TYW1B: variants seen among roughly 807,000 people sequenced by gnomAD.
TYW1B encodes the protein S-adenosyl-L-methionine-dependent tRNA 4-demethylwyosine synthase TYW1B.
In TYW1B, 73 loss-of-function variants were observed where a neutral mutation model predicts 86.9. The observed-to-expected ratio is 0.84, with a 90% CI of 0.70 to 1.02. The LOEUF (loss-of-function observed/expected upper bound fraction) is 1.02. Among genes scored for constraint, TYW1B ranks in the 50% least tolerant of loss-of-function variants. The pLI, the probability that TYW1B is intolerant of heterozygous loss-of-function variation, is 0.00. For missense variants in TYW1B, 637 were observed against 827.4 expected (o/e 0.77, Z 2.82); for synonymous variants, 248 against 292.8 (o/e 0.85, Z 1.56).
At chr7:72,622,642 T>C (rs1193797562) in intron 12 of TYW1B, among the ~76,000 whole-genome samples, 2 of 151,554 alleles carry the variant, frequency 1.3e-5, no homozygotes, top group Admixed American at 6.6e-5. Context: ...CACACACACA[T>C]ACAGACACAT....
chr7:72,687,261 C>A (rs1554449593), intron 11 of TYW1B, among the ~76,000 whole-genome samples: 1 of 152,064 alleles, frequency 6.6e-6, no homozygotes, highest in South Asian at 2.1e-4. Flanking sequence ...ACTGGTGAAA[C>A]CCCATCTCTA....
At chr7:72,690,179 T>C (rs1420408056) in intron 11 of TYW1B, among the ~76,000 whole-genome samples, 2 of 152,230 alleles carry the variant, frequency 1.3e-5, no homozygotes, top group Non-Finnish European at 2.9e-5. Flanking sequence ...ATAGTTCAGT[T>C]TACTACTGGA....
At chr7:72,619,228 TC>T (rs1554437483) in intron 12 of TYW1B, among the ~76,000 whole-genome samples, 1 of 151,840 alleles carries the variant, frequency 6.6e-6, no homozygotes, top group African/African-American at 2.4e-5. Flanking sequence ...AGCTTTCTTT[TC>T]CCCCCTCAAA....
chr7:72,632,346 T>G (rs1382724185), intron 11 of TYW1B, among the ~76,000 whole-genome samples: 5 of 103,594 alleles, frequency 4.8e-5, no homozygotes, highest in African/African-American at 9.2e-5. Flanking sequence ...CGTATATATA[T>G]TATATATATT....
chr7:72,811,384 C>T (rs1409974318), intron 3 of TYW1B, among the ~76,000 whole-genome samples: 2 of 151,752 alleles, frequency 1.3e-5, no homozygotes, highest in African/African-American at 4.8e-5. Context: ...AAATAAGGCA[C>T]CTGAGTTTCA....
At chr7:72,730,338 A>C (rs1395350853) in intron 8 of TYW1B, among the ~76,000 whole-genome samples, 1 of 151,552 alleles carries the variant, frequency 6.6e-6, no homozygotes, top group African/African-American at 2.4e-5. Context: ...TGAAATCAGG[A>C]AAAGAATTCA....
At chr7:72,625,907 G>GGA (rs57253436) in intron 12 of TYW1B, among the ~76,000 whole-genome samples, 13 of 88,132 alleles carry the variant, frequency 1.5e-4, no homozygotes, top group Non-Finnish European at 3.0e-4. Flanking sequence ...GGGGGGGGGG[G>GGA]AAGAAAGGAA....
In TYW1B at chr7:72,806,423, G is replaced by T. The variant is rs6977192; in HGVS notation, c.723+643C>A. ...GCTAATCTTTGTATTTTTAGTAGAG[G>T]TGGGGTTTCGCCATGTTGGCCAGCA... On this transcript the variant is annotated intron_variant, in intron 5 of 13. Coordinates refer to ENST00000620995, the MANE Select transcript of TYW1B (RefSeq NM_001145440.3). Among the ~76,000 whole-genome samples the T allele has an allele frequency of 7.0e-3, 1,064 of 151,976 alleles. 17 individuals are homozygous for T. The highest frequency in any genetic ancestry group is 0.025 in the African/African-American group (1,038 of 41,470).
intron 7 of TYW1B, among the ~76,000 whole-genome samples, chr7:72,774,550 G>A (rs10949819): frequency 0.64 from 97,010 of 150,804 alleles, 31,263 homozygotes; most frequent in South Asian, 0.68. Context: ...GTAAAACCCC[G>A]TCTCTACTAA....
At chr7:72,728,353 T>TTGGAG (rs1787042960) in intron 9 of TYW1B, among the ~76,000 whole-genome samples, 2 of 152,246 alleles carry the variant, frequency 1.3e-5, no homozygotes, top group South Asian at 4.1e-4. Context: ...TTTGCCCAGG[T>TTGGAG]TGGAGTGGAG....
chr7:72,819,264 C>A (rs782058852), intron 2 of TYW1B, among the ~76,000 whole-genome samples: 2 of 152,026 alleles, frequency 1.3e-5, no homozygotes, highest in Non-Finnish European at 2.9e-5. Flanking sequence ...AAGGGGTCAG[C>A]GCAGGGTTTT....
intron 7 of TYW1B, among the ~76,000 whole-genome samples, chr7:72,772,692 G>A (rs1215045588): frequency 4.6e-5 from 7 of 152,068 alleles, no homozygotes; most frequent in East Asian, 1.9e-4. Context: ...ATTCAATACC[G>A]TTTCTCATGA....
chr7:72,748,750 G>A (rs1787438661), intron 7 of TYW1B, among the ~76,000 whole-genome samples: 1 of 151,542 alleles, frequency 6.6e-6, no homozygotes, highest in Non-Finnish European at 1.5e-5. Flanking sequence ...GTTTTTAAAT[G>A]TTGAACCTGC....
intron 13 of TYW1B, among the ~76,000 whole-genome samples, chr7:72,584,741 C>G (rs1166520425): frequency 2.0e-5 from 3 of 152,134 alleles, no homozygotes; most frequent in African/African-American, 7.2e-5. Flanking sequence ...CAGGCATGAG[C>G]CACCGCACCC....
At chr7:72,682,900 G>A (rs370301699) in intron 11 of TYW1B, among the ~76,000 whole-genome samples, 2 of 152,150 alleles carry the variant, frequency 1.3e-5, no homozygotes, top group African/African-American at 4.8e-5. Flanking sequence ...CCAGTCATTA[G>A]GGGCCCTACA....
chr7:72,740,181 C>T (rs1354686132), intron 8 of TYW1B, among the ~76,000 whole-genome samples: 5 of 151,626 alleles, frequency 3.3e-5, no homozygotes, highest in South Asian at 2.1e-4. Flanking sequence ...TGCAGTGAGC[C>T]GAGATTGCAC....
rs1554459261 is a variant in TYW1B, at chr7:72,728,892, C to G, written c.1122G>C (p.Lys374Asn). Residue 374 changes from lysine (K) to asparagine (N), a missense_variant, in exon 9 of 14, where the codon AAG becomes AAC. Physicochemically the swap from Lys to Asn is moderately conservative, Grantham distance 94 (BLOSUM62 0). Transcript: ENST00000620995. ...TCAAGATCATTTCAGGCTGGTCCAT[C>G]TTCCACAACCATTCAGTGCCCACAG... ...NNPVGTEWLW[K>N]MDQPEMILKE... 1 of 1,613,864 alleles carries G rather than the reference C, an allele frequency of 6.2e-7. No homozygotes were observed. The highest frequency in any genetic ancestry group is 8.5e-7 in the Non-Finnish European group (1 of 1,179,950).
intron 13 of TYW1B, among the ~76,000 whole-genome samples, chr7:72,609,387 G>C (rs1360775626): frequency 2.0e-5 from 3 of 151,826 alleles, no homozygotes; most frequent in African/African-American, 4.8e-5. Context: ...AGTGGGACCC[G>C]ATCTCAATAA....
At chr7:72,612,513 AAGGT>A (rs1221381860) in intron 13 of TYW1B, among the ~76,000 whole-genome samples, 3 of 152,186 alleles carry the variant, frequency 2.0e-5, no homozygotes, top group Non-Finnish European at 4.4e-5. Context: ...GCATTGTCTT[AAGGT>A]ACCTTTTCAT....
Sources: gnomAD v4.1 joint callset for allele counts (sites outside exome capture counted in the v4.1 genomes callset) on GRCh38, gnomAD v4.1.1 for gene constraint, MANE v1.5 for transcripts, NCBI Gene and HGNC (gene_info 2026-07-23, HGNC 2026-07-21) for gene names.